Variants in GNAL observed in about 807,000 individuals in gnomAD.
GNAL encodes guanine nucleotide-binding protein G(olf) subunit alpha.
In GNAL, 18 loss-of-function variants were observed where a neutral mutation model predicts 55.1. That is an observed-to-expected ratio of 0.33 (90% CI 0.23 to 0.48). The LOEUF is 0.48. Among genes scored for constraint, GNAL ranks in the 20% least tolerant of loss-of-function variants. The probability of loss-of-function intolerance (pLI) is 0.99; values close to 1 mark genes in which losing one functional copy is unlikely to be tolerated. For missense variants in GNAL, 412 were observed against 614.1 expected (o/e 0.67, Z 3.48); for synonymous variants, 253 against 237.0 (o/e 1.07, Z -0.62).
intron 4 of GNAL, among the ~76,000 whole-genome samples, chr18:11,806,328 C>T (rs2034659630): frequency 6.6e-6 from 1 of 152,176 alleles, no homozygotes; most frequent in African/African-American, 2.4e-5. Context: ...TTTTGCTGTG[C>T]AGCAGCTTTT....
intron 1 of GNAL, among the ~76,000 whole-genome samples, chr18:11,715,893 A>G (rs1298229594): frequency 6.6e-6 from 1 of 152,178 alleles, no homozygotes; most frequent in African/African-American, 2.4e-5. Flanking sequence ...ATGAAAAAAA[A>G]AAAGCTCAAC....
intron 5 of GNAL, among the ~76,000 whole-genome samples, chr18:11,859,099 G>A (rs1431310645): frequency 6.6e-6 from 1 of 152,202 alleles, no homozygotes; most frequent in Non-Finnish European, 1.5e-5. Context: ...ATTTTAAATA[G>A]GTTACTTCCT....
At chr18:11,778,692 C>CA (rs2143335761) in intron 4 of GNAL, among the ~76,000 whole-genome samples, 1 of 152,068 alleles carries the variant, frequency 6.6e-6, no homozygotes, top group Admixed American at 6.5e-5. Flanking sequence ...GTGGTGGGTG[C>CA]ATAGAAAACA....
chr18:11,847,944 G>A (rs73407499), intron 5 of GNAL, among the ~76,000 whole-genome samples: 3,278 of 152,294 alleles, frequency 0.022, 122 homozygotes, highest in African/African-American at 0.074. Flanking sequence ...CAGGGTAGAT[G>A]CAGATTCAGA....
intron 5 of GNAL, chr18:11,853,423 A>G (rs72868678): frequency 0.033 from 5,563 of 167,210 alleles, 144 homozygotes; most frequent in Non-Finnish European, 0.054. Context: ...GAGAAAAGCA[A>G]CTTGCTTTTG....
Position 11,689,872 on chromosome 18 carries a change from G to C in GNAL, c.309G>C (p.Arg103=). The change falls in exon 1 of 12, where the codon CGG becomes CGC. Residue 103 remains arginine (R), a synonymous_variant. Transcript: ENST00000334049. ...TCAAGGAGGCGAGGAAAGTGAGCCG[G>C]GGCATCGACCGCATGCTGCGCGACC... The part of the protein sequence containing the change: ...EAVKEARKVS[R]GIDRMLRDQK... 1 of 1,510,260 alleles carries C rather than the reference G, an allele frequency of 6.6e-7. No homozygotes were observed. Among genetic ancestry groups the C allele is most frequent in the African/African-American group, 1.4e-5 (1 of 69,792 alleles). 93.6% of individuals were successfully genotyped at this position (1,510,260 alleles called of 1,614,324 possible).
intron 4 of GNAL, among the ~76,000 whole-genome samples, chr18:11,763,290 A>G (rs1364173302): frequency 6.6e-6 from 1 of 152,238 alleles, no homozygotes; most frequent in African/African-American, 2.4e-5. Context: ...TTGGTTGCAG[A>G]CATCATGCCC....
At chr18:11,830,282 C>CTT (rs71172023) in intron 5 of GNAL, among the ~76,000 whole-genome samples, 72,506 of 99,494 alleles carry the variant, frequency 0.73, 28,173 homozygotes, top group East Asian at 0.9. Context: ...AGAATTGCAT[C>CTT]TTTTTTTTTT....
chr18:11,780,135 T>C (rs1331182497), intron 4 of GNAL, among the ~76,000 whole-genome samples: 1 of 152,230 alleles, frequency 6.6e-6, no homozygotes, highest in Non-Finnish European at 1.5e-5. Context: ...AATACAAGTA[T>C]ATCTCTGTGA....
intron 1 of GNAL, among the ~76,000 whole-genome samples, chr18:11,742,442 C>A (rs2032597168): frequency 6.6e-6 from 1 of 152,204 alleles, no homozygotes; most frequent in Non-Finnish European, 1.5e-5. Flanking sequence ...AGTACTGTTA[C>A]CCTCACCCAT....
rs533053228 is a variant in GNAL at position 11,705,943 on chromosome 18, C to T, written c.376+16004C>T. ...GGAAAATTTTGTATTTTAGTAGAAG[C>T]AGGGTTTCACTATGTTGGCCAGGCT... On this transcript the variant is annotated intron_variant, in intron 1 of 11. Coordinates refer to ENST00000334049, the MANE Select transcript of GNAL (RefSeq NM_182978.4). 2.0e-5 allele frequency among the ~76,000 whole-genome samples: 3 copies of T among 151,982 alleles called. No homozygotes were observed. In the East Asian group the frequency reaches 5.8e-4, roughly 29 times the overall value.
chr18:11,742,758 G>C (rs1478892660), intron 1 of GNAL, among the ~76,000 whole-genome samples: 1 of 152,202 alleles, frequency 6.6e-6, no homozygotes, highest in Non-Finnish European at 1.5e-5. Flanking sequence ...GGCCTCGGAT[G>C]CCGCTCCCAT....
chr18:11,777,917 T>C (rs2033827231), intron 4 of GNAL, among the ~76,000 whole-genome samples: 1 of 152,148 alleles, frequency 6.6e-6, no homozygotes, highest in Non-Finnish European at 1.5e-5. Flanking sequence ...AACTAGTCAG[T>C]GATGGGTTGA....
At chr18:11,781,963 G>C (rs1424913) in intron 4 of GNAL, among the ~76,000 whole-genome samples, 16,897 of 152,144 alleles carry the variant, frequency 0.11, 1,272 homozygotes, top group African/African-American at 0.21. Flanking sequence ...AACCCAAATG[G>C]CCACTAACAA....
chr18:11,795,485 T>C (rs920180064), intron 4 of GNAL, among the ~76,000 whole-genome samples: 12 of 150,742 alleles, frequency 8.0e-5, no homozygotes, highest in African/African-American at 2.7e-4. Flanking sequence ...TATTGAAAAA[T>C]AGATTGAAAT....
intron 1 of GNAL, among the ~76,000 whole-genome samples, chr18:11,698,104 G>A (rs1256404914): frequency 6.6e-6 from 1 of 152,164 alleles, no homozygotes; most frequent in East Asian, 1.9e-4. Context: ...AGGAAGAAGA[G>A]CGTGAAGAAT....
At chr18:11,709,112 A>G (rs1025158882) in intron 1 of GNAL, among the ~76,000 whole-genome samples, 1 of 152,148 alleles carries the variant, frequency 6.6e-6, no homozygotes, top group Non-Finnish European at 1.5e-5. Context: ...TCAATTGACT[A>G]TATTTGTGGA....
At chr18:11,744,866 A>G (rs1451382617) in intron 1 of GNAL, among the ~76,000 whole-genome samples, 3 of 152,096 alleles carry the variant, frequency 2.0e-5, no homozygotes, top group South Asian at 2.1e-4. Context: ...GCATCCCACC[A>G]TGCCCGGTTA....
At chr18:11,852,611 T>C (rs1302046037) in intron 5 of GNAL, 1 of 30,304 alleles carries the variant, frequency 3.3e-5, no homozygotes, top group Non-Finnish European at 1.4e-4. Flanking sequence ...GTTTTGGTTT[T>C]TGTTTTTTTT....
Sources: allele counts gnomAD v4.1 joint callset (sites outside exome capture counted in the v4.1 genomes callset), GRCh38; gene constraint gnomAD v4.1.1; transcripts MANE v1.5; gene names NCBI Gene and HGNC (gene_info 2026-07-23, HGNC 2026-07-21).